Variants in ZNRF3 observed in about 807,000 individuals in gnomAD.
The protein encoded by ZNRF3 is E3 ubiquitin-protein ligase ZNRF3.
Under a neutral mutation model 72.5 loss-of-function variants are expected in ZNRF3, and 23 were observed. The observed-to-expected ratio is 0.32, with a 90% CI of 0.23 to 0.45. ZNRF3 has a LOEUF of 0.45. Ranked by LOEUF, ZNRF3 falls within the 20% of genes least tolerant of loss-of-function variation. The pLI is 1.00. For missense variants in ZNRF3, 1,169 were observed against 1,272.1 expected, an observed-to-expected ratio of 0.92 and a Z score of 1.23; for synonymous variants, 610 against 545.3, an observed-to-expected ratio of 1.12 and a Z score of -1.65.
chr22:28,966,285 C>T (rs1046388010), intron 1 of ZNRF3, among the ~76,000 whole-genome samples: 2 of 152,182 alleles, frequency 1.3e-5, no homozygotes, highest in African/African-American at 4.8e-5. Context: ...CGCATAATGA[C>T]GTTTCAGTCA....
chr22:28,933,793 C>T (rs1375240770), intron 1 of ZNRF3, among the ~76,000 whole-genome samples: 1 of 146,480 alleles, frequency 6.8e-6, no homozygotes, highest in South Asian at 2.3e-4. Context: ...TCCCTCCTCC[C>T]TCCTCCCCCT....
chr22:28,907,326 G>C (rs1368943017), intron 1 of ZNRF3, among the ~76,000 whole-genome samples: 1 of 152,082 alleles, frequency 6.6e-6, no homozygotes, highest in Non-Finnish European at 1.5e-5. Context: ...ATGCCAAGGT[G>C]CCAAATGGCA....
chr22:29,053,533 G>T, intron 8 of ZNRF3, 46 bp from the exon 9 acceptor site: 3 of 1,601,844 alleles, frequency 1.9e-6, no homozygotes, highest in East Asian at 2.2e-5. Context: ...GGTCCCATGT[G>T]TGGTGCCAGC....
intron 2 of ZNRF3, among the ~76,000 whole-genome samples, chr22:29,016,463 A>G (rs996133176): frequency 1.3e-5 from 2 of 152,240 alleles, no homozygotes; most frequent in East Asian, 1.9e-4. Flanking sequence ...CTGAATAATT[A>G]TAGTCAAGAA....
chr22:28,935,154 G>A (rs1601577351), intron 1 of ZNRF3, among the ~76,000 whole-genome samples: 1 of 152,322 alleles, frequency 6.6e-6, no homozygotes, highest in East Asian at 1.9e-4. Context: ...TATGGTTCTG[G>A]ATTCTTCCTT....
At chr22:28,903,128 C>CT (rs1229790668) in intron 1 of ZNRF3, among the ~76,000 whole-genome samples, 1 of 152,188 alleles carries the variant, frequency 6.6e-6, no homozygotes, top group Non-Finnish European at 1.5e-5. Flanking sequence ...CCAGTTCCCT[C>CT]TGTTTCCTGG....
intron 2 of ZNRF3, among the ~76,000 whole-genome samples, chr22:29,037,746 T>G (rs567728549): frequency 6.6e-6 from 1 of 152,228 alleles, no homozygotes; most frequent in Non-Finnish European, 1.5e-5. Context: ...TTCAGCACTC[T>G]GCACTGGGTT....
At position 29,050,625 on chromosome 22, in the gene ZNRF3, C is replaced by A. The variant is rs370491519; in HGVS notation, c.2444C>A (p.Pro815Gln). 1 of 1,610,816 alleles carries A rather than the reference C, an allele frequency of 6.2e-7. No individual in the cohort carries two copies. The highest frequency in any genetic ancestry group is 1.7e-4 in the Middle Eastern group (1 of 5,996). Residue 815 changes from proline (P) to glutamine (Q), a missense_variant, in exon 8 of 9, where the codon CCG (proline) becomes CAG (glutamine). By Grantham distance (76) the Pro-to-Gln change is moderately conservative (BLOSUM62 -1). Around this residue, in one of 2 missense-constraint regions of ZNRF3, gnomAD observed 783 missense variants for 731.4 expected, o/e 1.07. Transcript: ENST00000544604. ...SVQYTLTEEP[P>Q]PGCYPGARDL... is the part of the protein sequence containing the mutation. ...CAGTACACGCTCACCGAGGAACCACCGCCCGGCTGCTACCCCGGGGCCCGG... is the reference window on the plus strand; with the variant it reads ...CAGTACACGCTCACCGAGGAACCACAGCCCGGCTGCTACCCCGGGGCCCGG...
At chr22:28,949,503 C>T (rs977471950) in intron 1 of ZNRF3, among the ~76,000 whole-genome samples, 10 of 152,008 alleles carry the variant, frequency 6.6e-5, no homozygotes, top group Admixed American at 6.5e-5. Context: ...GGTCTCAAAA[C>T]TCCTGAGCTC....
intron 1 of ZNRF3, among the ~76,000 whole-genome samples, chr22:28,906,356 T>C (rs1287675698): frequency 6.6e-6 from 1 of 152,170 alleles, no homozygotes; most frequent in Non-Finnish European, 1.5e-5. Flanking sequence ...GGCTAAAATC[T>C]ACTGTATGTT....
Position 29,055,123 on chromosome 22 carries a change from G to A in ZNRF3, c.*1501G>A, listed in dbSNP as rs917511205. On this transcript the variant is annotated 3_prime_UTR_variant, in exon 9 of 9. Coordinates refer to ENST00000544604, the MANE Select transcript of ZNRF3 (RefSeq NM_001206998.2). ...TAAGGTGTTTCATTTTTAAAAGGGAGAGAGAATCTATTTAAAGCTATTTCA... is the reference window on the plus strand; with the variant it reads ...TAAGGTGTTTCATTTTTAAAAGGGAAAGAGAATCTATTTAAAGCTATTTCA... 2 of 152,724 alleles carry A rather than the reference G, an allele frequency of 1.3e-5. No homozygotes were observed. The highest frequency in any genetic ancestry group is 4.8e-5 in the African/African-American group (2 of 41,434). The allele number at this position is 152,724 out of a possible 1,614,324, so 9.5% of individuals were successfully genotyped here. A position where few individuals can be genotyped will look rare whatever the true frequency, so the allele number is the denominator to read the frequency against.
At position 29,050,418 on chromosome 22, in the gene ZNRF3, C is replaced by T. The variant is rs1318621395; in HGVS notation, c.2237C>T (p.Ala746Val). Residue 746 changes from alanine to valine, a missense_variant, in exon 8 of 9, where the codon GCG becomes GTG. Transcript: ENST00000544604. ...CACCTCTACGAGGGCTCTGGCCCGG[C>T]GGGTGGGGAGCCCCAGTCAGGAAGC... ...GPHLYEGSGP[A>V]GGEPQSGSSQ... 9.3e-6 allele frequency: 15 copies of T among 1,606,856 alleles called. No individual in the cohort carries two copies. The highest frequency in any genetic ancestry group is 4.4e-5 in the South Asian group (4 of 90,814).
rs1186536946 is a variant in ZNRF3, at chr22:28,883,814, C to A, written c.48C>A (p.Arg16=). The change falls in exon 1 of 9, where the codon CGC becomes CGA. Residue 16 remains arginine, a synonymous_variant. Transcript: ENST00000544604. This position sits in a 1 kb window ranked among gnomAD's most constrained non-coding sequence, Gnocchi z 5.5. ...GGRPGATGRR[R]RRLRRRPRGL... is the part of the protein sequence containing the mutation. The stretch of plus-strand genomic sequence containing the variant: ...GCCCAGGGGCCACGGGCCGCCGCCG[C>A]CGCCGCCTGCGCCGCCGCCCCCGCG... The A allele has an allele frequency of 7.1e-6, 7 of 979,472 alleles. No homozygotes were observed. Among genetic ancestry groups the A allele is most frequent in the African/African-American group, 1.8e-5 (1 of 56,466 alleles). 60.7% of individuals were successfully genotyped at this position (979,472 alleles called of 1,614,324 possible). A position where few individuals can be genotyped will look rare whatever the true frequency, so the allele number is the denominator to read the frequency against.
intron 1 of ZNRF3, among the ~76,000 whole-genome samples, chr22:28,884,269 G>C (rs1330785962): frequency 1.3e-5 from 2 of 152,112 alleles, no homozygotes; most frequent in South Asian, 2.1e-4. Context: ...GAGCGCACGT[G>C]GGGGCTAGAG....
At chr22:28,923,304 C>A (rs956790576) in intron 1 of ZNRF3, among the ~76,000 whole-genome samples, 1 of 152,062 alleles carries the variant, frequency 6.6e-6, no homozygotes, top group Non-Finnish European at 1.5e-5. Context: ...GCCGCTAATG[C>A]CCCTCCCCAT....
intron 1 of ZNRF3, among the ~76,000 whole-genome samples, chr22:28,981,990 C>T (rs926239461): frequency 6.6e-6 from 1 of 151,274 alleles, no homozygotes; most frequent in African/African-American, 2.4e-5. Context: ...GAGACTCCGT[C>T]TAAAAAAAAA....
chr22:28,966,724 G>A (rs2035469491), intron 1 of ZNRF3, among the ~76,000 whole-genome samples: 2 of 151,900 alleles, frequency 1.3e-5, no homozygotes, highest in Admixed American at 6.6e-5. Context: ...TTATTAGAGT[G>A]TTATTACAAA....
intron 1 of ZNRF3, among the ~76,000 whole-genome samples, chr22:28,913,545 A>G (rs575612030): frequency 2.6e-5 from 4 of 152,334 alleles, no homozygotes; most frequent in Non-Finnish European, 5.9e-5. Context: ...GGATAGAGTC[A>G]TCACCACCTA....
chr22:28,997,062 G>T (rs1353700133), intron 2 of ZNRF3, among the ~76,000 whole-genome samples: 3 of 152,100 alleles, frequency 2.0e-5, no homozygotes, highest in African/African-American at 7.2e-5. Flanking sequence ...TAAGAGGGAC[G>T]GTTGGGCCGG....
Sources: gnomAD v4.1 joint callset for allele counts (sites outside exome capture counted in the v4.1 genomes callset) on GRCh38, gnomAD v4.1.1 for gene constraint, gnomAD v4.1.1 regional missense constraint, Gnocchi (gnomAD v3.1) non-coding constraint, MANE v1.5 for transcripts, NCBI Gene and HGNC (gene_info 2026-07-23, HGNC 2026-07-21) for gene names.